Variants in POFUT3 observed in about 807,000 individuals in gnomAD.
POFUT3 encodes the protein GDP-fucose protein O-fucosyltransferase 3.
chr8:33,319,650 TATAA>T, the POFUT3 span, among the ~76,000 whole-genome samples: 37 of 62,838 alleles, frequency 5.9e-4, 17 homozygotes, highest in East Asian at 0.036. Context: ...TTATATATTA[TATAA>T]ATATATATAT....
chr8:33,322,687 T>C, the POFUT3 span, among the ~76,000 whole-genome samples: 70 of 152,100 alleles, frequency 4.6e-4, no homozygotes, highest in Non-Finnish European at 8.2e-4. Context: ...ATCCACTTAA[T>C]GGGTCAAGGA....
the POFUT3 span, among the ~76,000 whole-genome samples, chr8:33,331,776 C>T: frequency 6.6e-6 from 1 of 151,912 alleles, no homozygotes; most frequent in South Asian, 2.1e-4. Flanking sequence ...CCCGGGTTCA[C>T]GCCATTCTCC....
At chr8:33,443,873 C>A in the POFUT3 span, among the ~76,000 whole-genome samples, 1 of 152,160 alleles carries the variant, frequency 6.6e-6, no homozygotes, top group East Asian at 1.9e-4. Context: ...TGCCTGTAAT[C>A]CCAACACTTT....
the POFUT3 span, among the ~76,000 whole-genome samples, chr8:33,348,719 G>A: frequency 3.3e-5 from 5 of 152,210 alleles, no homozygotes; most frequent in Non-Finnish European, 7.3e-5. Flanking sequence ...ATTCCTGGCA[G>A]AGGAAATAAA....
the POFUT3 span, among the ~76,000 whole-genome samples, chr8:33,465,332 TA>T: frequency 4.6e-5 from 7 of 151,956 alleles, no homozygotes; most frequent in Admixed American, 1.3e-4. Flanking sequence ...TAGGTATTAT[TA>T]TTCCCAGTTC....
the POFUT3 span, among the ~76,000 whole-genome samples, chr8:33,318,797 AT>A: frequency 5.9e-4 from 24 of 40,870 alleles, no homozygotes; most frequent in East Asian, 0.01. Context: ...TATAATATAT[AT>A]ATATTTTATA....
the POFUT3 span, among the ~76,000 whole-genome samples, chr8:33,314,031 T>C: frequency 6.6e-6 from 1 of 152,186 alleles, no homozygotes; most frequent in Non-Finnish European, 1.5e-5. Flanking sequence ...GTGCTCCCTA[T>C]AACTCTGCCT....
At chr8:33,369,718 T>C in the POFUT3 span, among the ~76,000 whole-genome samples, 479 of 152,300 alleles carry the variant, frequency 3.1e-3, 8 homozygotes, top group Non-Finnish European at 5.0e-4. Flanking sequence ...CTATGTGTAA[T>C]ATACAATGTG....
chr8:33,460,279 A>C, the POFUT3 span, among the ~76,000 whole-genome samples: 6 of 151,726 alleles, frequency 4.0e-5, no homozygotes, highest in Non-Finnish European at 5.9e-5. Context: ...GCCTGAGCCC[A>C]GGGAGGTCGA....
the POFUT3 span, among the ~76,000 whole-genome samples, chr8:33,414,406 T>A: frequency 6.6e-6 from 1 of 152,132 alleles, no homozygotes; most frequent in African/African-American, 2.4e-5. Context: ...TCTAAAAACT[T>A]ACCTACAGCC....
chr8:33,331,741 T>A, the POFUT3 span, among the ~76,000 whole-genome samples: 3 of 152,062 alleles, frequency 2.0e-5, no homozygotes, highest in Non-Finnish European at 4.4e-5. Context: ...AGTGGCGCGA[T>A]CTCGGCTCAC....
At chr8:33,389,626 G>T in the POFUT3 span, 1 of 1,614,170 alleles carries the variant, frequency 6.2e-7, no homozygotes, top group South Asian at 1.1e-5. Flanking sequence ...CCAAGTATTG[G>T]GTAGTTAGTG....
the POFUT3 span, among the ~76,000 whole-genome samples, chr8:33,334,885 C>T: frequency 6.6e-6 from 1 of 152,162 alleles, no homozygotes; most frequent in Non-Finnish European, 1.5e-5. Flanking sequence ...TAAGGTGAGA[C>T]GCCTTCTGGC....
the POFUT3 span, among the ~76,000 whole-genome samples, chr8:33,396,719 C>T: frequency 2.6e-5 from 4 of 152,136 alleles, no homozygotes; most frequent in Non-Finnish European, 5.9e-5. Context: ...GCTGTAAATT[C>T]CTTCTCTGAG....
At chr8:33,380,040 G>GTATATATATATACTATATATATACT in the POFUT3 span, among the ~76,000 whole-genome samples, 8 of 59,398 alleles carry the variant, frequency 1.3e-4, 1 homozygote, top group Non-Finnish European at 2.1e-4. Context: ...ATATATATAC[G>GTATATATATATACTATATATATACT]ATATATATAC....
chr8:33,374,057 G>C, the POFUT3 span, among the ~76,000 whole-genome samples: 1 of 152,180 alleles, frequency 6.6e-6, no homozygotes, highest in African/African-American at 2.4e-5. Context: ...CAGGAGGTGA[G>C]CAGCATGCAT....
At chr8:33,390,879 C>T in the POFUT3 span, among the ~76,000 whole-genome samples, 1 of 152,088 alleles carries the variant, frequency 6.6e-6, no homozygotes, top group African/African-American at 2.4e-5. Context: ...ATGTGGTAAG[C>T]GATTGTTTCC....
chr8:33,328,770 T>G, the POFUT3 span, among the ~76,000 whole-genome samples: 2 of 152,060 alleles, frequency 1.3e-5, no homozygotes, highest in African/African-American at 4.8e-5. Flanking sequence ...AGAACACTGG[T>G]TGGCCATTGT....
the POFUT3 span, among the ~76,000 whole-genome samples, chr8:33,422,669 T>C: frequency 6.6e-6 from 1 of 151,608 alleles, no homozygotes; most frequent in African/African-American, 2.4e-5. Flanking sequence ...ATCAGGAAGA[T>C]TAACTTTTGC....
Sources: gnomAD v4.1 joint callset for allele counts (sites outside exome capture counted in the v4.1 genomes callset) on GRCh38, gnomAD v4.1.1 for gene constraint, MANE v1.5 for transcripts, NCBI Gene and HGNC (gene_info 2026-07-23, HGNC 2026-07-21) for gene names.